The following FBXO36 variants were observed in gnomAD, a reference collection of about 807,000 sequenced individuals.
FBXO36 encodes the protein F-box protein 36, also known as F-box only protein 36.
FBXO36 carries 18 observed loss-of-function variants against 17.0 expected under a neutral mutation model. The ratio of observed to expected loss-of-function variants is 1.06; its 90% CI spans 0.73 to 1.57. FBXO36 has a LOEUF of 1.57. Ranked by LOEUF, FBXO36 falls within the 40% of genes most tolerant of loss-of-function variation. The pLI, the probability that FBXO36 is intolerant of heterozygous loss-of-function variation, is 0.00. For synonymous variants in FBXO36, 83 were observed against 85.3 expected (o/e 0.97, Z 0.15); for missense variants, 229 against 221.9 (o/e 1.03, Z -0.20).
At chr2:230,000,641 C>T (rs2077353591) in intron 3 of FBXO36, among the ~76,000 whole-genome samples, 2 of 152,018 alleles carry the variant, frequency 1.3e-5, no homozygotes, top group Admixed American at 1.3e-4. Flanking sequence ...GTTTTACTCA[C>T]TTCCACTATT....
intron 3 of FBXO36, among the ~76,000 whole-genome samples, chr2:230,002,382 AT>A (rs200392268): frequency 0.096 from 14,058 of 145,936 alleles, 837 homozygotes; most frequent in Middle Eastern, 0.18. Context: ...CCGTACGTTA[AT>A]TTTTTTTTTT....
intron 2 of FBXO36, among the ~76,000 whole-genome samples, chr2:229,982,989 TTA>T (rs2077248840): frequency 6.6e-6 from 1 of 152,078 alleles, no homozygotes; most frequent in Non-Finnish European, 1.5e-5. Context: ...CATTTTTATT[TTA>T]TTTATTTTTG....
At position 230,010,723 on chromosome 2, in the gene FBXO36, C is replaced by A. The variant is rs1402954300; in HGVS notation, c.406C>A (p.Gln136Lys). The change falls in exon 4 of 4, where the codon CAG (glutamine) becomes AAG (lysine). Residue 136 changes from glutamine to lysine, a missense_variant. By Grantham distance (53) the Gln-to-Lys change is moderately conservative. Coordinates refer to ENST00000283946, the MANE Select transcript of FBXO36 (RefSeq NM_174899.5). ...GTGCATGTCTGATAAACTGTGGGAACAGATAGTCCAGTCGACCTGCGACAC... is the reference window on the plus strand; with the variant it reads ...GTGCATGTCTGATAAACTGTGGGAAAAGATAGTCCAGTCGACCTGCGACAC... ...KLCMSDKLWE[Q>K]IVQSTCDTIT... 1.2e-6 allele frequency: 2 copies of A among 1,612,800 alleles called. No individual in the cohort carries two copies. The highest frequency in any genetic ancestry group is 1.7e-5 in the Admixed American group (1 of 59,940).
intron 1 of FBXO36, among the ~76,000 whole-genome samples, chr2:229,949,735 C>T (rs2077046985): frequency 6.6e-6 from 1 of 152,074 alleles, no homozygotes; most frequent in Non-Finnish European, 1.5e-5. Flanking sequence ...ACCATCCTGG[C>T]TGACACGGTG....
intron 1 of FBXO36, among the ~76,000 whole-genome samples, chr2:229,936,004 A>G (rs1480621879): frequency 2.0e-5 from 3 of 152,176 alleles, no homozygotes; most frequent in Admixed American, 6.5e-5. Context: ...CGTGGCCAAC[A>G]TGGCAAAACC....
intron 2 of FBXO36, among the ~76,000 whole-genome samples, chr2:229,996,379 G>A (rs1029312491): frequency 3.3e-5 from 5 of 152,190 alleles, no homozygotes; most frequent in African/African-American, 1.2e-4. Context: ...ACGTGGACCA[G>A]CATCTTTTTC....
At chr2:229,975,280 A>G (rs1394440903) in intron 1 of FBXO36, among the ~76,000 whole-genome samples, 1 of 152,008 alleles carries the variant, frequency 6.6e-6, no homozygotes, top group Non-Finnish European at 1.5e-5. Context: ...CTGTCCATGT[A>G]ACTGTTGCTC....
rs754486346 is a variant in FBXO36 at position 229,939,292 on chromosome 2, C to A, written c.96+16683C>A. On this transcript the variant is annotated intron_variant, in intron 1 of 3. Coordinates refer to ENST00000283946, the MANE Select transcript of FBXO36 (RefSeq NM_174899.5). Reference sequence around the variant, plus strand: ...AGGTAAGATATACAATTTTTTTGCACATTTTCTTGCCCTATTTTACATTTT... The same window carrying A: ...AGGTAAGATATACAATTTTTTTGCAAATTTTCTTGCCCTATTTTACATTTT... The A allele has an allele frequency of 1.0e-3, 985 of 981,926 alleles. 8 individuals carry two copies. Among genetic ancestry groups the A allele is most frequent in the Non-Finnish European group, 1.1e-3 (944 of 826,838 alleles). 60.8% of individuals were successfully genotyped at this position (981,926 alleles called of 1,614,324 possible). A position where few individuals can be genotyped will look rare whatever the true frequency, so the allele number is the denominator to read the frequency against.
At chr2:229,947,513 G>A (rs1439130353) in intron 1 of FBXO36, among the ~76,000 whole-genome samples, 3 of 152,190 alleles carry the variant, frequency 2.0e-5, no homozygotes, top group Non-Finnish European at 2.9e-5. Flanking sequence ...GGAAGAAAAA[G>A]GGATCACATC....
At chr2:229,961,084 G>T (rs1050848103) in intron 1 of FBXO36, among the ~76,000 whole-genome samples, 1 of 151,908 alleles carries the variant, frequency 6.6e-6, no homozygotes, top group Non-Finnish European at 1.5e-5. Flanking sequence ...CCTCCAGCCT[G>T]GGCCTCAGAG....
intron 3 of FBXO36, among the ~76,000 whole-genome samples, chr2:230,005,645 CATTCATTCATTCATTCATTT>C (rs2077383374): frequency 6.6e-6 from 1 of 151,084 alleles, no homozygotes; most frequent in South Asian, 2.1e-4. Context: ...CAGACTATAA[CATTCATTCATTCATTCATTT>C]ATTCATTCAT....
intron 1 of FBXO36, chr2:229,945,196 C>G (rs1363780093): frequency 1.3e-5 from 2 of 152,126 alleles, no homozygotes; most frequent in Non-Finnish European, 2.9e-5. Context: ...CATTCATAAC[C>G]AACACTACCC....
chr2:229,943,354 G>T (rs57369247), intron 1 of FBXO36: 1 of 152,250 alleles, frequency 6.6e-6, no homozygotes, highest in Admixed American at 6.5e-5. Flanking sequence ...TCCAGGTCAG[G>T]TGGCCACCCT....
intron 3 of FBXO36, among the ~76,000 whole-genome samples, chr2:229,999,229 T>C (rs974535486): frequency 4.0e-5 from 6 of 149,068 alleles, no homozygotes; most frequent in African/African-American, 1.2e-4. Flanking sequence ...TGGGTTCAAG[T>C]GATTCTTGTG....
intron 1 of FBXO36, among the ~76,000 whole-genome samples, chr2:229,941,600 C>CG: frequency 7.3e-6 from 1 of 136,196 alleles, no homozygotes; most frequent in Middle Eastern, 3.8e-3. Context: ...CCAGGAGAGG[C>CG]GAAAAAAAAA....
At chr2:229,936,884 A>G (rs543739247) in intron 1 of FBXO36, among the ~76,000 whole-genome samples, 58 of 152,274 alleles carry the variant, frequency 3.8e-4, no homozygotes, top group African/African-American at 1.4e-3. Context: ...AATAAAAAAG[A>G]TTTGAGATGA....
At chr2:229,966,493 C>T (rs2077153485) in intron 1 of FBXO36, among the ~76,000 whole-genome samples, 1 of 152,136 alleles carries the variant, frequency 6.6e-6, no homozygotes, top group Non-Finnish European at 1.5e-5. Context: ...AGGTTTTCTT[C>T]TAGGGTTTTT....
At chr2:229,947,817 A>G (rs2077035372) in intron 1 of FBXO36, among the ~76,000 whole-genome samples, 1 of 152,252 alleles carries the variant, frequency 6.6e-6, no homozygotes, top group Non-Finnish European at 1.5e-5. Flanking sequence ...TGATGAGATC[A>G]GTTTTTTATA....
intron 1 of FBXO36, among the ~76,000 whole-genome samples, chr2:229,960,901 G>C (rs2106181920): frequency 6.6e-6 from 1 of 152,278 alleles, no homozygotes; most frequent in Non-Finnish European, 1.5e-5. Context: ...CTGAGGTCAG[G>C]AGTTCGAGAC....
Sources: allele counts gnomAD v4.1 joint callset (sites outside exome capture counted in the v4.1 genomes callset), GRCh38; gene constraint gnomAD v4.1.1; transcripts MANE v1.5; gene names NCBI Gene and HGNC (gene_info 2026-07-23, HGNC 2026-07-21).